Variants in CORO2B observed in about 807,000 individuals in gnomAD.
CORO2B encodes the protein coronin-2B.
CORO2B carries 26 observed loss-of-function variants against 58.8 expected under a neutral mutation model. That is an observed-to-expected ratio of 0.44 (90% CI 0.32 to 0.61). The LOEUF is 0.61. Among genes scored for constraint, CORO2B ranks in the 20% least tolerant of loss-of-function variants. The pLI is 0.04. For missense variants in CORO2B, 460 were observed against 645.1 expected, an observed-to-expected ratio of 0.71 and a Z score of 3.11; for synonymous variants, 242 against 253.8, an observed-to-expected ratio of 0.95 and a Z score of 0.44.
At position 68,726,194 on chromosome 15, in the gene CORO2B, C is replaced by T. The variant is rs1004233308; in HGVS notation, c.*220C>T. The T allele has an allele frequency of 1.6e-5, 9 of 546,564 alleles. No individual in the cohort carries two copies. The highest frequency in any genetic ancestry group is 1.2e-4 in the African/African-American group (6 of 50,934). The allele number at this position is 546,564 out of a possible 1,614,324, so 33.9% of individuals were successfully genotyped here. On this transcript the variant is annotated 3_prime_UTR_variant, in exon 12 of 12. Coordinates refer to ENST00000261861, the MANE Select transcript of CORO2B (RefSeq NM_006091.5). The stretch of plus-strand genomic sequence containing the variant: ...TCTGGAGACCCCCTGCCGGCAGCCC[C>T]TTTCCCTGCCACCCCAGGAGCCAGG...
chr15:68,659,344 G>T (rs1367903427), intron 2 of CORO2B, among the ~76,000 whole-genome samples: 9 of 152,132 alleles, frequency 5.9e-5, no homozygotes, highest in Non-Finnish European at 1.2e-4. Flanking sequence ...AACATAAACA[G>T]TCAATTAACA....
At chr15:68,711,484 A>G (rs1202078871) in intron 4 of CORO2B, 58 bp from the exon 5 acceptor site, 1 of 1,517,768 alleles carries the variant, frequency 6.6e-7, no homozygotes, top group East Asian at 2.3e-5. Context: ...CACTGGGGAC[A>G]AACACCCCAG....
At chr15:68,631,910 G>A in intron 1 of CORO2B, 8 of 982,734 alleles carry the variant, frequency 8.1e-6, no homozygotes, top group Non-Finnish European at 9.7e-6. Context: ...CTGCTGGAAT[G>A]GCCCCAGATG....
At chr15:68,572,734 G>A in the CORO2B span, among the ~76,000 whole-genome samples, 4 of 151,988 alleles carry the variant, frequency 2.6e-5, no homozygotes, top group Non-Finnish European at 4.4e-5. Flanking sequence ...CTGATTAGGT[G>A]TTATCAAAAT....
At chr15:68,584,088 C>A (rs1012984583) in intron 1 of CORO2B, among the ~76,000 whole-genome samples, 2 of 152,228 alleles carry the variant, frequency 1.3e-5, no homozygotes, top group Non-Finnish European at 2.9e-5. Context: ...TAGCCACAGT[C>A]CCTGGGATCC....
the CORO2B span, among the ~76,000 whole-genome samples, chr15:68,521,413 G>A: frequency 6.6e-6 from 1 of 152,028 alleles, no homozygotes; most frequent in Non-Finnish European, 1.5e-5. Flanking sequence ...TGTTATTATT[G>A]TCTACATTTT....
intron 1 of CORO2B, among the ~76,000 whole-genome samples, chr15:68,629,820 A>ATGTG (rs757594532): frequency 6.6e-6 from 1 of 151,032 alleles, no homozygotes; most frequent in Non-Finnish European, 1.5e-5. Flanking sequence ...CTTAACCAGC[A>ATGTG]TGTGTGTGTG....
the CORO2B span, among the ~76,000 whole-genome samples, chr15:68,569,300 T>C: frequency 1.3e-5 from 2 of 152,266 alleles, no homozygotes; most frequent in East Asian, 3.9e-4. Flanking sequence ...TGTTCATCCC[T>C]CCCCACTAAC....
At chr15:68,624,727 C>G (rs1176988701) in intron 1 of CORO2B, among the ~76,000 whole-genome samples, 2 of 151,558 alleles carry the variant, frequency 1.3e-5, no homozygotes, top group African/African-American at 2.4e-5. Context: ...GAGTCTCGCT[C>G]TGTCACCCAG....
the CORO2B span, among the ~76,000 whole-genome samples, chr15:68,536,230 C>T: frequency 6.6e-6 from 1 of 152,208 alleles, no homozygotes; most frequent in East Asian, 1.9e-4. Flanking sequence ...GAATCTTGAT[C>T]TCCATGTACG....
intron 1 of CORO2B, among the ~76,000 whole-genome samples, chr15:68,633,429 A>AT (rs1269238291): frequency 6.6e-6 from 1 of 151,978 alleles, no homozygotes; most frequent in East Asian, 1.9e-4. Flanking sequence ...TTAAAAAAAA[A>AT]GTTTCTGCTC....
At chr15:68,538,192 A>AT in the CORO2B span, among the ~76,000 whole-genome samples, 6 of 152,130 alleles carry the variant, frequency 3.9e-5, no homozygotes, top group African/African-American at 1.4e-4. Flanking sequence ...GATCCCAATA[A>AT]TTTTTTCCCT....
chr15:68,635,191 G>A (rs550664066), intron 1 of CORO2B, among the ~76,000 whole-genome samples: 16 of 152,122 alleles, frequency 1.1e-4, no homozygotes, highest in Non-Finnish European at 1.3e-4. Context: ...CACTGGTCTT[G>A]AACCACCCAT....
rs1404554999 is a variant in CORO2B, at chr15:68,590,235, C to T, written c.15+10958C>T. 8.5e-5 allele frequency among the ~76,000 whole-genome samples: 13 copies of T among 152,136 alleles called. No individual in the cohort carries two copies. The East Asian group carries it at 2.5e-3, about 29-fold the overall frequency. The stretch of plus-strand genomic sequence containing the variant: ...AGCCACAAACAAAGCTGCCCCTCTG[C>T]ACCACCGCCCCCCTCTCCCAGGACC... On this transcript the variant is annotated intron_variant, in intron 1 of 11. Coordinates refer to ENST00000261861, the MANE Select transcript of CORO2B (RefSeq NM_006091.5).
chr15:68,614,900 C>T (rs1900318432), intron 1 of CORO2B, among the ~76,000 whole-genome samples: 1 of 152,254 alleles, frequency 6.6e-6, no homozygotes, highest in African/African-American at 2.4e-5. Flanking sequence ...ATGTATTATG[C>T]AGCAGCAGCT....
chr15:68,582,477 C>A (rs1010437107), intron 1 of CORO2B, among the ~76,000 whole-genome samples: 1 of 152,194 alleles, frequency 6.6e-6, no homozygotes, highest in Non-Finnish European at 1.5e-5. Context: ...TTCCCTGAGA[C>A]GAGTAGCTCC....
intron 1 of CORO2B, among the ~76,000 whole-genome samples, chr15:68,642,842 C>T (rs557807839): frequency 6.6e-6 from 1 of 152,338 alleles, no homozygotes; most frequent in East Asian, 1.9e-4. Flanking sequence ...ACAGAGAAGA[C>T]ATTCCAGGCT....
chr15:68,583,107 C>T (rs1402078801), intron 1 of CORO2B, among the ~76,000 whole-genome samples: 3 of 152,192 alleles, frequency 2.0e-5, no homozygotes, highest in African/African-American at 7.2e-5. Flanking sequence ...AGCCTTCCCT[C>T]TCCTGCCTCA....
chr15:68,694,095 C>T (rs1173481437), intron 2 of CORO2B, among the ~76,000 whole-genome samples: 1 of 152,160 alleles, frequency 6.6e-6, no homozygotes, highest in Non-Finnish European at 1.5e-5. Flanking sequence ...CTTGGCCTCC[C>T]AAAGTGCTGG....
Sources: allele counts gnomAD v4.1 joint callset (sites outside exome capture counted in the v4.1 genomes callset), GRCh38; gene constraint gnomAD v4.1.1; transcripts MANE v1.5; gene names NCBI Gene and HGNC (gene_info 2026-07-23, HGNC 2026-07-21).